EYS: variants seen among roughly 807,000 people sequenced by gnomAD.
EYS encodes the protein protein eyes shut homolog.
A neutral mutation model predicts 282.1 loss-of-function variants in EYS; 250 were observed. That is an observed-to-expected ratio of 0.89 (90% CI 0.80 to 0.98). The LOEUF is 0.98. Among genes scored for constraint, EYS ranks in the 50% least tolerant of loss-of-function variants. The pLI, the probability that EYS is intolerant of heterozygous loss-of-function variation, is 0.00. For synonymous variants in EYS, 1,355 were observed against 1,282.9 expected (o/e 1.06, Z -1.20); for missense variants, 4,016 against 3,709.0 (o/e 1.08, Z -2.15).
intron 31 of EYS, among the ~76,000 whole-genome samples, chr6:64,195,702 T>C (rs1765267179): frequency 1.3e-5 from 2 of 152,218 alleles, no homozygotes; most frequent in Non-Finnish European, 1.5e-5. Context: ...TATAAATAAA[T>C]TTTTATCCAG....
At chr6:64,194,818 A>G (rs1765231754) in intron 31 of EYS, among the ~76,000 whole-genome samples, 1 of 152,128 alleles carries the variant, frequency 6.6e-6, no homozygotes, top group Non-Finnish European at 1.5e-5. Flanking sequence ...TGAAATACTG[A>G]GAAAGGTAAG....
chr6:65,448,898 A>C (rs1764300645), intron 5 of EYS, among the ~76,000 whole-genome samples: 1 of 152,102 alleles, frequency 6.6e-6, no homozygotes, highest in Admixed American at 6.6e-5. Flanking sequence ...TTCACAATGT[A>C]TGATTCTTTT....
chr6:63,877,964 T>C (rs973277020), intron 35 of EYS, among the ~76,000 whole-genome samples: 1 of 152,240 alleles, frequency 6.6e-6, no homozygotes, highest in African/African-American at 2.4e-5. Flanking sequence ...TCTGAAGCCT[T>C]CTTCTCTCAA....
intron 2 of EYS, among the ~76,000 whole-genome samples, chr6:65,633,718 T>C (rs550259239): frequency 1.1e-3 from 174 of 152,320 alleles, no homozygotes; most frequent in Non-Finnish European, 1.5e-3. Context: ...CTGGCCCTTT[T>C]CCAATTTCTC....
At chr6:65,349,051 A>T (rs1352687005) in intron 9 of EYS, among the ~76,000 whole-genome samples, 1 of 151,352 alleles carries the variant, frequency 6.6e-6, no homozygotes, top group African/African-American at 2.4e-5. Context: ...AACAAGTCGA[A>T]TTTTTTTTCA....
intron 36 of EYS, among the ~76,000 whole-genome samples, chr6:63,854,259 G>C (rs958368474): frequency 6.6e-6 from 1 of 152,138 alleles, no homozygotes; most frequent in Admixed American, 6.5e-5. Flanking sequence ...ATATACCATG[G>C]AATACTATGT....
intron 1 of EYS, among the ~76,000 whole-genome samples, chr6:65,654,582 A>G (rs893226360): frequency 5.3e-5 from 8 of 151,854 alleles, no homozygotes; most frequent in Non-Finnish European, 1.5e-5. Context: ...TTACATCTAA[A>G]GTGTTAAAGA....
chr6:65,030,809 C>T (rs1051068704), intron 13 of EYS, among the ~76,000 whole-genome samples: 2 of 152,052 alleles, frequency 1.3e-5, no homozygotes, highest in Non-Finnish European at 2.9e-5. Context: ...TCAATGTTAA[C>T]CTTGAATGTA....
intron 1 of EYS, among the ~76,000 whole-genome samples, chr6:65,666,863 GAAAAATACAT>G (rs1298554024): frequency 2.8e-5 from 4 of 141,618 alleles, no homozygotes; most frequent in African/African-American, 1.0e-4. Context: ...AAATACTCTT[GAAAAATACAT>G]AAAAATAATA....
intron 26 of EYS, among the ~76,000 whole-genome samples, chr6:64,577,180 T>A (rs557796939): frequency 5.3e-4 from 81 of 152,206 alleles, no homozygotes; most frequent in African/African-American, 1.9e-3. Flanking sequence ...GACTCCAGAA[T>A]TGTGAGACAA....
intron 12 of EYS, among the ~76,000 whole-genome samples, chr6:65,277,182 T>G (rs992903522): frequency 9.9e-5 from 15 of 151,974 alleles, no homozygotes; most frequent in African/African-American, 3.4e-4. Flanking sequence ...TGCCTGTAAT[T>G]CCAGCACTTT....
At chr6:65,307,209 T>C (rs879601826) in intron 11 of EYS, among the ~76,000 whole-genome samples, 394 of 148,086 alleles carry the variant, frequency 2.7e-3, no homozygotes, top group Non-Finnish European at 4.6e-3. Context: ...TAGCTGCCTG[T>C]ATAGATTTCT....
chr6:64,958,844 T>G (rs1769816145), intron 14 of EYS, among the ~76,000 whole-genome samples: 1 of 151,616 alleles, frequency 6.6e-6, no homozygotes, highest in South Asian at 2.1e-4. Context: ...ACATAATAAT[T>G]TCTTGGCAAT....
chr6:64,461,263 C>G (rs1775734660), intron 26 of EYS, among the ~76,000 whole-genome samples: 1 of 152,136 alleles, frequency 6.6e-6, no homozygotes, highest in African/African-American at 2.4e-5. Flanking sequence ...AATGCATTAA[C>G]CACATAAATA....
At chr6:64,702,257 A>C (rs1770818310) in intron 22 of EYS, among the ~76,000 whole-genome samples, 1 of 152,118 alleles carries the variant, frequency 6.6e-6, no homozygotes, top group East Asian at 1.9e-4. Context: ...CTTTCTACAA[A>C]GATGAAATAG....
chr6:64,391,430 G>A (rs1773135939), intron 28 of EYS, among the ~76,000 whole-genome samples: 1 of 152,134 alleles, frequency 6.6e-6, no homozygotes, highest in Non-Finnish European at 1.5e-5. Context: ...AGATCTCTCG[G>A]CAGAAACCCT....
At chr6:65,628,324 T>A (rs1766791202) in intron 2 of EYS, among the ~76,000 whole-genome samples, 2 of 152,130 alleles carry the variant, frequency 1.3e-5, no homozygotes, top group African/African-American at 4.8e-5. Flanking sequence ...AGAACCTTTG[T>A]ATCTAGCTCA....
At chr6:65,627,882 C>G (rs1425906639) in intron 2 of EYS, among the ~76,000 whole-genome samples, 1 of 152,244 alleles carries the variant, frequency 6.6e-6, no homozygotes, top group Non-Finnish European at 1.5e-5. Flanking sequence ...ACCCCCTGCT[C>G]TACGGCGCCC....
At chr6:65,405,396 AAG>A (rs1491018507) in intron 5 of EYS, 29 bp from the exon 6 acceptor site, 100 of 1,558,994 alleles carry the variant, frequency 6.4e-5, no homozygotes, top group Non-Finnish European at 7.0e-5. Flanking sequence ...AAGAAAAAAA[AAG>A]AAAAGGAAGG....
Sources: allele counts gnomAD v4.1 joint callset (sites outside exome capture counted in the v4.1 genomes callset), GRCh38; gene constraint gnomAD v4.1.1; transcripts MANE v1.5; gene names NCBI Gene and HGNC (gene_info 2026-07-23, HGNC 2026-07-21).